Variants in SLC39A8 observed in about 807,000 individuals in gnomAD.
SLC39A8 encodes the protein solute carrier family 39 member 8.
A neutral mutation model predicts 40.4 loss-of-function variants in SLC39A8; 15 were observed. That is an observed-to-expected ratio of 0.37 (90% confidence interval 0.25 to 0.57). SLC39A8 has a LOEUF of 0.57. Ranked by LOEUF, SLC39A8 falls within the 20% of genes least tolerant of loss-of-function variation. SLC39A8 has a pLI of 0.75. For missense variants in SLC39A8, 472 were observed against 558.8 expected, an observed-to-expected ratio of 0.84 and a Z score of 1.57; for synonymous variants, 223 against 221.6, an observed-to-expected ratio of 1.01 and a Z score of -0.06.
At chr4:102,306,220 T>A (rs1042351976) in intron 4 of SLC39A8, among the ~76,000 whole-genome samples, 1 of 151,904 alleles carries the variant, frequency 6.6e-6, no homozygotes, top group African/African-American at 2.4e-5. Context: ...TTAGTCCACA[T>A]ACAGTATTAG....
chr4:102,268,818 G>T (rs890179130), intron 6 of SLC39A8, among the ~76,000 whole-genome samples: 1 of 152,074 alleles, frequency 6.6e-6, no homozygotes, highest in Non-Finnish European at 1.5e-5. Context: ...ATCCTGTGAT[G>T]GACTCTTTGT....
chr4:102,326,197 G>T (rs1415231184), intron 2 of SLC39A8, among the ~76,000 whole-genome samples: 1 of 152,196 alleles, frequency 6.6e-6, no homozygotes, highest in Non-Finnish European at 1.5e-5. Flanking sequence ...TTCCCACTCA[G>T]TCCTTCTGAG....
chr4:102,253,338 C>A, exon 12 of SLC39A8: 2 of 689,332 alleles, frequency 2.9e-6, no homozygotes, highest in South Asian at 1.6e-5. Flanking sequence ...ATAACTATGT[C>A]ATATGCCAAC....
intron 6 of SLC39A8, among the ~76,000 whole-genome samples, chr4:102,286,939 G>A (rs977255982): frequency 6.6e-6 from 1 of 152,098 alleles, no homozygotes; most frequent in African/African-American, 2.4e-5. Flanking sequence ...GCAAACATGA[G>A]CTTGGGATGC....
In SLC39A8 at chr4:102,328,339, G is replaced by GT. The variant is rs749480751; in HGVS notation, c.220-12510dup. Reference sequence around the variant, plus strand: ...GGTGCTTCTCAGGCCTTATCTCTCTGTTTTTTTTTTTTTAATTCATTGTCG... The same window carrying GT: ...GGTGCTTCTCAGGCCTTATCTCTCTGTTTTTTTTTTTTTTAATTCATTGTCG... On this transcript the variant is annotated intron_variant, in intron 2 of 8. Coordinates refer to ENST00000356736, the MANE Select transcript of SLC39A8 (RefSeq NM_001135146.2). Among the ~76,000 whole-genome samples the GT allele has an allele frequency of 2.1e-3, 287 of 138,548 alleles. 1 individual carries two copies. Among genetic ancestry groups the GT allele is most frequent in the South Asian group, 4.1e-3 (18 of 4,368 alleles). 90.9% of individuals were successfully genotyped at this position (138,548 alleles called of 152,430 possible).
intron 2 of SLC39A8, among the ~76,000 whole-genome samples, chr4:102,341,891 TA>T (rs1206338891): frequency 6.6e-6 from 1 of 152,236 alleles, no homozygotes; most frequent in Non-Finnish European, 1.5e-5. Context: ...CTAAATCTTG[TA>T]GAAGATTCAA....
chr4:102,339,285 T>C (rs148018555), intron 2 of SLC39A8, among the ~76,000 whole-genome samples: 2 of 151,532 alleles, frequency 1.3e-5, no homozygotes, highest in East Asian at 2.0e-4. Context: ...AAGGCATTCC[T>C]AGAAGGTTTA....
At chr4:102,290,769 C>T (rs1313776162) in intron 6 of SLC39A8, among the ~76,000 whole-genome samples, 3 of 152,042 alleles carry the variant, frequency 2.0e-5, no homozygotes, top group Non-Finnish European at 4.4e-5. Context: ...AAGAGAGAGC[C>T]TATTAAAAGC....
chr4:102,333,098 G>A (rs1578626421), intron 2 of SLC39A8, among the ~76,000 whole-genome samples: 2 of 152,052 alleles, frequency 1.3e-5, no homozygotes, highest in African/African-American at 2.4e-5. Context: ...AAACCACCAT[G>A]TCACGCGTAT....
intron 6 of SLC39A8, among the ~76,000 whole-genome samples, chr4:102,279,811 A>G (rs537867690): frequency 2.0e-5 from 3 of 152,164 alleles, no homozygotes; most frequent in African/African-American, 7.2e-5. Flanking sequence ...ATGATATGGT[A>G]GTTGATGGGA....
chr4:102,291,126 T>A (rs1733421661), intron 6 of SLC39A8, among the ~76,000 whole-genome samples: 1 of 152,006 alleles, frequency 6.6e-6, no homozygotes. Flanking sequence ...TTTTTTCACT[T>A]CAATGACAAA....
intron 6 of SLC39A8, among the ~76,000 whole-genome samples, chr4:102,270,311 AT>A (rs1270023043): frequency 1.3e-5 from 2 of 152,194 alleles, no homozygotes; most frequent in African/African-American, 4.8e-5. Flanking sequence ...TACAGATATT[AT>A]TGACTCTATT....
At chr4:102,312,457 T>C (rs2149038589) in intron 3 of SLC39A8, among the ~76,000 whole-genome samples, 2 of 152,238 alleles carry the variant, frequency 1.3e-5, no homozygotes, top group South Asian at 4.1e-4. Flanking sequence ...ACACCCTGCT[T>C]CTGACTTCCC....
rs1370977608 is a variant in SLC39A8, at chr4:102,344,755, C to T, written c.-93G>A. 1 of 1,356,250 alleles carries T rather than the reference C, an allele frequency of 7.4e-7. No individual in the cohort carries two copies. The allele number at this position is 1,356,250 out of a possible 1,614,324, so 84.0% of individuals were successfully genotyped here. A position where few individuals can be genotyped will look rare whatever the true frequency, so the allele number is the denominator to read the frequency against. On this transcript the variant is annotated 5_prime_UTR_variant, in exon 2 of 9. Transcript: ENST00000356736. ...TGGCGTCCTTGCCCAAGGGCGGGAG[C>T]GTCAGTGCTCGGCGCTGCTCCGAGT...
At position 102,263,013 on chromosome 4, in the gene SLC39A8, C is replaced by T; in HGVS notation, c.*31G>A. 6.3e-7 allele frequency: 1 copy of T among 1,575,410 alleles called. No individual in the cohort carries two copies. Among genetic ancestry groups the T allele is most frequent in the Non-Finnish European group, 8.6e-7 (1 of 1,158,450 alleles). Reference sequence around the variant, plus strand: ...GGAGATGTTTTTATCTATTAAATGCCTTTATTAACAACACCATCTTCCATT... The same window carrying T: ...GGAGATGTTTTTATCTATTAAATGCTTTTATTAACAACACCATCTTCCATT... On this transcript the variant is annotated 3_prime_UTR_variant, in exon 9 of 9. Transcript: ENST00000356736.
At chr4:102,291,323 GCA>G (rs34019048) in intron 6 of SLC39A8, among the ~76,000 whole-genome samples, 1 of 151,002 alleles carries the variant, frequency 6.6e-6, no homozygotes, top group Non-Finnish European at 1.5e-5. Context: ...GAGTTATTCA[GCA>G]CACACACACA....
downstream of SLC39A8, among the ~76,000 whole-genome samples, chr4:102,257,537 C>G (rs1277399155): frequency 6.6e-6 from 1 of 152,170 alleles, no homozygotes; most frequent in Non-Finnish European, 1.5e-5. Context: ...AATTGATACT[C>G]TATCCTTCCT....
At chr4:102,259,479 T>C (rs1348174469), downstream of SLC39A8, 1 of 1,548,530 alleles carries the variant, frequency 6.5e-7, no homozygotes, top group East Asian at 2.4e-5. Flanking sequence ...GTAAATGAAG[T>C]TGAGATTTGA....
Position 102,262,568 on chromosome 4 carries a change from T to C in SLC39A8, c.*476A>G, listed in dbSNP as rs1731911482. The C allele has an allele frequency of 1.0e-6, 1 of 985,240 alleles. No homozygotes were observed. Among genetic ancestry groups the C allele is most frequent in the South Asian group, 4.7e-5 (1 of 21,290 alleles). 61.0% of individuals were successfully genotyped at this position (985,240 alleles called of 1,614,324 possible). ...AAAGACTTGGAATAATTTATATTAG[T>C]GTTGCATACATTTTACCTTCTACAT... On this transcript the variant is annotated 3_prime_UTR_variant, in exon 9 of 9. Transcript: ENST00000356736.
Sources: gnomAD v4.1 joint callset for allele counts (sites outside exome capture counted in the v4.1 genomes callset) on GRCh38, gnomAD v4.1.1 for gene constraint, MANE v1.5 for transcripts, NCBI Gene and HGNC (gene_info 2026-07-23, HGNC 2026-07-21) for gene names.